VAV3: variants seen among roughly 807,000 people sequenced by gnomAD.
VAV3 encodes vav guanine nucleotide exchange factor 3.
Under a neutral mutation model 131.2 loss-of-function variants are expected in VAV3, and 94 were observed. The observed-to-expected ratio is 0.72, with a 90% confidence interval of 0.61 to 0.85. The LOEUF is 0.85. Ranked by LOEUF, VAV3 falls within the 40% of genes least tolerant of loss-of-function variation. The probability of loss-of-function intolerance (pLI) is 0.00; values close to 1 mark genes in which losing one functional copy is unlikely to be tolerated. For synonymous variants in VAV3, 349 were observed against 342.0 expected, an observed-to-expected ratio of 1.02 and a Z score of -0.22; for missense variants, 939 against 1,002.7, an observed-to-expected ratio of 0.94 and a Z score of 0.86.
intron 1 of VAV3, among the ~76,000 whole-genome samples, chr1:107,922,743 G>A (rs1002295099): frequency 6.6e-6 from 1 of 151,504 alleles, no homozygotes; most frequent in African/African-American, 2.4e-5. Context: ...ATGAGGTCAG[G>A]AGATCGAGAC....
intron 15 of VAV3, among the ~76,000 whole-genome samples, chr1:107,746,473 T>G (rs936192560): frequency 2.6e-5 from 4 of 152,186 alleles, no homozygotes; most frequent in African/African-American, 9.7e-5. Flanking sequence ...CCAGGTTCTG[T>G]GCATGTGCTG....
At chr1:107,928,086 G>A (rs2101189407) in intron 1 of VAV3, among the ~76,000 whole-genome samples, 1 of 152,252 alleles carries the variant, frequency 6.6e-6, no homozygotes, top group Admixed American at 6.5e-5. Flanking sequence ...ACTCTATTTG[G>A]GATAAAGTAA....
intron 20 of VAV3, among the ~76,000 whole-genome samples, chr1:107,641,446 T>C (rs777803424): frequency 2.3e-4 from 35 of 152,144 alleles, no homozygotes; most frequent in Non-Finnish European, 7.3e-5. Context: ...CTCAACATCA[T>C]TGGGAAATAT....
chr1:107,757,693 T>C (rs893858679), intron 10 of VAV3, among the ~76,000 whole-genome samples: 2 of 152,226 alleles, frequency 1.3e-5, no homozygotes, highest in Non-Finnish European at 2.9e-5. Context: ...GCATCCCTCC[T>C]TTCATTTCAG....
chr1:107,873,292 A>C lies in VAV3; in HGVS notation c.321+1609T>G, dbSNP rs142152838. On this transcript the variant is annotated intron_variant, in intron 2 of 26. Transcript: ENST00000370056. ...AGTAGAACACCACCATGCATTTTAA[A>C]GTATTTATATATTTTTCCAACATTT... Among the ~76,000 whole-genome samples the C allele has an allele frequency of 6.4e-3, 974 of 152,230 alleles. 14 individuals carry two copies. The highest frequency in any genetic ancestry group is 0.022 in the African/African-American group (907 of 41,542).
chr1:107,862,078 T>C lies in VAV3; in HGVS notation c.321+12823A>G, dbSNP rs540373110. ...GTCCAAAGAGCATTATAATTGGCAT[T>C]GAGGCAAACCAGAGAAAGGCCCATA... On this transcript the variant is annotated intron_variant, in intron 2 of 26. Coordinates refer to ENST00000370056, the MANE Select transcript of VAV3 (RefSeq NM_006113.5). 1.3e-5 allele frequency among the ~76,000 whole-genome samples: 2 copies of C among 151,764 alleles called. 1 individual carries two copies. Among genetic ancestry groups the C allele is most frequent in the South Asian group, 4.2e-4 (2 of 4,762 alleles).
chr1:107,574,811 G>C (rs1329714133), intron 25 of VAV3, among the ~76,000 whole-genome samples: 2 of 152,322 alleles, frequency 1.3e-5, no homozygotes, highest in East Asian at 3.9e-4. Flanking sequence ...GTGAAGAGGT[G>C]TGAATCAGGT....
At chr1:107,704,488 T>A in intron 17 of VAV3, 62 bp downstream of exon 17, 1 of 1,344,154 alleles carries the variant, frequency 7.4e-7, no homozygotes, top group Non-Finnish European at 1.1e-6. Flanking sequence ...TAGGCCTTAA[T>A]TATGTTTAGC....
chr1:107,772,733 A>G lies in VAV3; in HGVS notation c.555+2T>C, dbSNP rs1287709535. ...AACTTTAAAAACAAGTAAAAGTCCT[A>G]CGGGCTGATGTGCTTCCTCTGCCTT... On this transcript the variant is annotated splice_donor_variant, in intron 5 of 26. Transcript: ENST00000370056. LOFTEE classifies it high-confidence loss of function. 6 of 1,609,632 alleles carry G rather than the reference A, an allele frequency of 3.7e-6. No homozygotes were observed. The highest frequency in any genetic ancestry group is 2.2e-5 in the East Asian group (1 of 44,834).
At chr1:107,656,338 T>C (rs1000872113) in intron 19 of VAV3, among the ~76,000 whole-genome samples, 3 of 152,128 alleles carry the variant, frequency 2.0e-5, no homozygotes, top group African/African-American at 7.2e-5. Context: ...TGGAGGTTAT[T>C]ATGTTAAGTA....
chr1:107,741,247 T>A (rs1413319259), intron 15 of VAV3, among the ~76,000 whole-genome samples: 1 of 152,254 alleles, frequency 6.6e-6, no homozygotes, highest in African/African-American at 2.4e-5. Flanking sequence ...CATGGGTCTT[T>A]CAAAAATTAA....
At chr1:107,753,299 G>T (rs759197640) in intron 12 of VAV3, among the ~76,000 whole-genome samples, 12 of 150,460 alleles carry the variant, frequency 8.0e-5, no homozygotes, top group African/African-American at 3.0e-4. Context: ...GTTTCCAGGG[G>T]CCAGGGAAAG....
At chr1:107,783,590 T>C (rs1369156210) in intron 2 of VAV3, among the ~76,000 whole-genome samples, 5 of 152,098 alleles carry the variant, frequency 3.3e-5, no homozygotes, top group Non-Finnish European at 5.9e-5. Flanking sequence ...CTGTGTCTTC[T>C]ACATGGTGGA....
At chr1:107,923,570 C>T (rs1673020180) in intron 1 of VAV3, among the ~76,000 whole-genome samples, 1 of 152,000 alleles carries the variant, frequency 6.6e-6, no homozygotes, top group African/African-American at 2.4e-5. Flanking sequence ...GCTGAGGAGG[C>T]CTCAGGAAAC....
At chr1:107,891,193 T>C (rs1671295445) in intron 1 of VAV3, among the ~76,000 whole-genome samples, 1 of 152,088 alleles carries the variant, frequency 6.6e-6, no homozygotes. Flanking sequence ...TGCATAGTCA[T>C]TCATCTTTTT....
rs72977669 is a variant in VAV3, at chr1:107,705,949, A to G, written c.1503-888T>C. 5.5e-3 allele frequency among the ~76,000 whole-genome samples: 844 copies of G among 152,268 alleles called. 10 individuals are homozygous for G. Among genetic ancestry groups the G allele is most frequent in the African/African-American group, 0.018 (744 of 41,544 alleles). ...CAGCAATGTTCATATTAAAATAATC[A>G]AATTTTTGTACTTAGTAGGTATTTT... is the stretch of plus-strand genomic sequence containing the variant. On this transcript the variant is annotated intron_variant, in intron 15 of 26. Transcript: ENST00000370056.
chr1:107,895,151 G>A (rs539958937), intron 1 of VAV3, among the ~76,000 whole-genome samples: 74 of 152,234 alleles, frequency 4.9e-4, no homozygotes, highest in Middle Eastern at 3.4e-3. Flanking sequence ...GGAAGCAGGA[G>A]CAGGAACACA....
chr1:107,878,542 G>T (rs941772239), intron 1 of VAV3, among the ~76,000 whole-genome samples: 4 of 152,102 alleles, frequency 2.6e-5, no homozygotes, highest in African/African-American at 7.2e-5. Context: ...TTTCTTCATG[G>T]TATCATTAAA....
intron 21 of VAV3, among the ~76,000 whole-genome samples, chr1:107,611,706 G>A (rs927855367): frequency 1.7e-4 from 26 of 151,794 alleles, no homozygotes; most frequent in Admixed American, 1.1e-3. Context: ...AAAGGCTGGA[G>A]ATCCAAAAAA....
Sources: gnomAD v4.1 joint callset for allele counts (sites outside exome capture counted in the v4.1 genomes callset) on GRCh38, gnomAD v4.1.1 for gene constraint, MANE v1.5 for transcripts, NCBI Gene and HGNC (gene_info 2026-07-23, HGNC 2026-07-21) for gene names.